The following RAB12 variants were observed in gnomAD, a reference collection of about 807,000 sequenced individuals.
The protein encoded by RAB12 is RAB12, member RAS oncogene family, also known as ras-related protein Rab-12.
In RAB12, 11 loss-of-function variants were observed where a neutral mutation model predicts 28.4. The ratio of observed to expected loss-of-function variants is 0.39; its 90% CI spans 0.24 to 0.64. The LOEUF (loss-of-function observed/expected upper bound fraction) is 0.64. Ranked by LOEUF, RAB12 falls within the 30% of genes least tolerant of loss-of-function variation. RAB12 has a pLI of 0.50. For missense variants in RAB12, 276 were observed against 351.1 expected, an observed-to-expected ratio of 0.79 and a Z score of 1.71; for synonymous variants, 138 against 145.3, an observed-to-expected ratio of 0.95 and a Z score of 0.36.
At chr18:8,616,275 A>T (rs2096006615) in intron 1 of RAB12, among the ~76,000 whole-genome samples, 1 of 151,744 alleles carries the variant, frequency 6.6e-6, no homozygotes, top group Non-Finnish European at 1.5e-5. Flanking sequence ...GAAGACATTT[A>T]TCATCCTCCT....
chr18:8,620,559 C>T (rs1428428014), intron 1 of RAB12, among the ~76,000 whole-genome samples: 1 of 146,962 alleles, frequency 6.8e-6, no homozygotes, highest in African/African-American at 2.5e-5. Flanking sequence ...ACTCAGATGC[C>T]TTTTTTTTTT....
intron 1 of RAB12, among the ~76,000 whole-genome samples, chr18:8,622,743 T>C (rs1176119638): frequency 1.3e-5 from 2 of 152,180 alleles, no homozygotes; most frequent in Non-Finnish European, 2.9e-5. Flanking sequence ...CTAATAAGCC[T>C]GGGAGCACTA....
At chr18:8,633,407 C>T in intron 3 of RAB12, 80 bp downstream of exon 3, 1 of 1,500,458 alleles carries the variant, frequency 6.7e-7, no homozygotes, top group Non-Finnish European at 9.2e-7. Flanking sequence ...AGGGGAAACA[C>T]ATGTATTGAG....
chr18:8,633,329 TA>T lies in RAB12; in HGVS notation c.714+5del, dbSNP rs2096017027. ...AAATGGATGAAGATGATTGATAAGGTAAATGTTGCATTTTTCTGTCCAATGT... is the reference window on the plus strand; with the variant it reads ...AAATGGATGAAGATGATTGATAAGGTAATGTTGCATTTTTCTGTCCAATGT... On this transcript the variant is annotated splice_donor_region_variant and intron_variant, in intron 3 of 5. Coordinates refer to ENST00000649141, the MANE Select transcript of RAB12 (RefSeq NM_001025300.3). 3 of 1,613,560 alleles carry T rather than the reference TA, an allele frequency of 1.9e-6. No individual in the cohort carries two copies. The highest frequency in any genetic ancestry group is 1.1e-5 in the South Asian group (1 of 90,878).
Position 8,622,815 on chromosome 18 carries a change from G to GC in RAB12, c.515-2117dup, listed in dbSNP as rs539947659. Among the ~76,000 whole-genome samples the GC allele has an allele frequency of 3.9e-3, 594 of 152,084 alleles. 1 individual carries two copies. Among genetic ancestry groups the GC allele is most frequent in the Admixed American group, 7.1e-3 (108 of 15,282 alleles). The stretch of plus-strand genomic sequence containing the variant: ...ACCATAGAAGACGGCCACGCCCAGG[G>GC]CCCCCCGCCACCCCGTAGACCTACC... On this transcript the variant is annotated intron_variant, in intron 1 of 5. Transcript: ENST00000649141.
rs183277711 is a variant in RAB12, at chr18:8,618,389, A to G, written c.515-6549A>G. 1.8e-4 allele frequency among the ~76,000 whole-genome samples: 28 copies of G among 152,276 alleles called. 1 individual carries two copies. The highest frequency in any genetic ancestry group is 6.7e-4 in the African/African-American group (28 of 41,558). ...GAGTTGATCAAAATATTTTATAGTT[A>G]TAGTACTTAGTTTCTATTTAAATCC... On this transcript the variant is annotated intron_variant, in intron 1 of 5. Transcript: ENST00000649141.
At chr18:8,630,780 C>CTAAA (rs1015736589) in intron 2 of RAB12, among the ~76,000 whole-genome samples, 7 of 152,230 alleles carry the variant, frequency 4.6e-5, no homozygotes, top group African/African-American at 1.4e-4. Context: ...TAATAATGAA[C>CTAAA]TTTACCATAT....
At chr18:8,637,114 A>G (rs1450929912) in intron 5 of RAB12, among the ~76,000 whole-genome samples, 1 of 152,000 alleles carries the variant, frequency 6.6e-6, no homozygotes, top group East Asian at 1.9e-4. Flanking sequence ...AAAAATTTAA[A>G]AATTAGCAAG....
intron 1 of RAB12, among the ~76,000 whole-genome samples, chr18:8,616,645 C>CA (rs2096006809): frequency 6.6e-6 from 1 of 151,934 alleles, no homozygotes; most frequent in Non-Finnish European, 1.5e-5. Context: ...GACCTCAACA[C>CA]ACTTGTCGAT....
At chr18:8,627,832 T>C (rs1470323174) in intron 2 of RAB12, among the ~76,000 whole-genome samples, 3 of 152,192 alleles carry the variant, frequency 2.0e-5, no homozygotes, top group Non-Finnish European at 4.4e-5. Context: ...ATCATTCCTT[T>C]TGTTCTCTGC....
At chr18:8,623,715 CTT>C in intron 1 of RAB12, among the ~76,000 whole-genome samples, 1 of 152,340 alleles carries the variant, frequency 6.6e-6, no homozygotes, top group South Asian at 2.1e-4. Flanking sequence ...AATTAAGTAG[CTT>C]TCCTTCAGGG....
intron 1 of RAB12, among the ~76,000 whole-genome samples, chr18:8,615,811 G>A (rs1394051831): frequency 6.6e-6 from 1 of 152,338 alleles, no homozygotes; most frequent in African/African-American, 2.4e-5. Flanking sequence ...TAAAGACCTG[G>A]CTGAAGTGCA....
chr18:8,639,292 A>G lies in RAB12; in HGVS notation c.*1030A>G, dbSNP rs1412794450. 1 of 151,532 alleles carries G rather than the reference A, an allele frequency of 6.6e-6. No homozygotes were observed. Among genetic ancestry groups the G allele is most frequent in the Non-Finnish European group, 1.5e-5 (1 of 67,880 alleles). The allele number at this position is 151,532 out of a possible 1,614,324, so 9.4% of individuals were successfully genotyped here. On this transcript the variant is annotated 3_prime_UTR_variant, in exon 6 of 6. Transcript: ENST00000649141. ...TAATTAAGTAATTATGTATTTGAAT[A>G]ACTTGGTGTGTCTTGAGTGTTGTGG... is the stretch of plus-strand genomic sequence containing the variant.
At chr18:8,611,186 A>G (rs2096003581) in intron 1 of RAB12, among the ~76,000 whole-genome samples, 1 of 152,226 alleles carries the variant, frequency 6.6e-6, no homozygotes, top group African/African-American at 2.4e-5. Context: ...TAAAATGAGT[A>G]GCATAACTAT....
At chr18:8,630,952 G>A (rs77190446) in intron 2 of RAB12, among the ~76,000 whole-genome samples, 3,471 of 152,336 alleles carry the variant, frequency 0.023, 70 homozygotes, top group Admixed American at 0.055. Flanking sequence ...GCAGTGGCGC[G>A]ATTGCAGTTA....
intron 1 of RAB12, among the ~76,000 whole-genome samples, chr18:8,620,164 T>TAAAA (rs1241560251): frequency 1.8e-5 from 1 of 55,350 alleles, no homozygotes; most frequent in Non-Finnish European, 3.4e-5. Flanking sequence ...TTTTTTTGCT[T>TAAAA]CAAAAAAAAA....
intron 2 of RAB12, among the ~76,000 whole-genome samples, chr18:8,625,966 G>A (rs945782871): frequency 6.6e-6 from 1 of 152,310 alleles, no homozygotes; most frequent in East Asian, 1.9e-4. Flanking sequence ...CAGCCAAGCC[G>A]CAGTGCCTGC....
chr18:8,638,297 T>A lies in RAB12; in HGVS notation c.*35T>A, dbSNP rs750902179. The A allele has an allele frequency of 6.8e-7, 1 of 1,476,214 alleles. No individual in the cohort carries two copies. Among genetic ancestry groups the A allele is most frequent in the Non-Finnish European group, 9.5e-7 (1 of 1,056,746 alleles). 91.4% of individuals were successfully genotyped at this position (1,476,214 alleles called of 1,614,324 possible). ...TTGGAGACAAAGTGGAAATGATTCC[T>A]GGAAAGGGGAAAAAACGTTCTATTC... On this transcript the variant is annotated 3_prime_UTR_variant, in exon 6 of 6. Transcript: ENST00000649141.
chr18:8,630,253 A>G (rs576047354), intron 2 of RAB12, among the ~76,000 whole-genome samples: 2 of 152,328 alleles, frequency 1.3e-5, no homozygotes, highest in African/African-American at 4.8e-5. Context: ...TAAGATTTAC[A>G]CTGGTTTGAT....
Sources: allele counts gnomAD v4.1 joint callset (sites outside exome capture counted in the v4.1 genomes callset), GRCh38; gene constraint gnomAD v4.1.1; transcripts MANE v1.5; gene names NCBI Gene and HGNC (gene_info 2026-07-23, HGNC 2026-07-21).